Variants in DMXL2 observed in about 807,000 individuals in gnomAD.
DMXL2 encodes the protein dmX-like protein 2.
A neutral mutation model predicts 331.1 loss-of-function variants in DMXL2; 103 were observed. That is an observed-to-expected ratio of 0.31 (90% confidence interval 0.27 to 0.37). The LOEUF is 0.37. Ranked by LOEUF, DMXL2 falls within the 10% of genes least tolerant of loss-of-function variation. The probability of loss-of-function intolerance (pLI) is 1.00; values close to 1 mark genes in which losing one functional copy is unlikely to be tolerated. For synonymous variants in DMXL2, 1,281 were observed against 1,252.1 expected, an observed-to-expected ratio of 1.02 and a Z score of -0.49; for missense variants, 3,171 against 3,642.9, an observed-to-expected ratio of 0.87 and a Z score of 3.33.
At chr15:51,492,396 T>C (rs1803513796) in intron 19 of DMXL2, among the ~76,000 whole-genome samples, 1 of 152,230 alleles carries the variant, frequency 6.6e-6, no homozygotes. Context: ...GTTACAATCA[T>C]GATGTACATT....
chr15:51,484,341 T>C (rs1045882513), intron 23 of DMXL2, among the ~76,000 whole-genome samples: 1 of 152,224 alleles, frequency 6.6e-6, no homozygotes, highest in East Asian at 1.9e-4. Flanking sequence ...ACCCATTGTG[T>C]GCACATATGC....
chr15:51,502,306 T>G (rs867589233), intron 17 of DMXL2, among the ~76,000 whole-genome samples: 3 of 140,626 alleles, frequency 2.1e-5, no homozygotes, highest in Admixed American at 7.1e-5. Context: ...TTTTGTGGGT[T>G]TGTGTGTGTG....
chr15:51,530,702 C>A (rs2047952468), intron 13 of DMXL2, among the ~76,000 whole-genome samples: 2 of 152,154 alleles, frequency 1.3e-5, no homozygotes, highest in Non-Finnish European at 2.9e-5. Flanking sequence ...TTGCAGTGAG[C>A]TGAGATCACA....
chr15:51,580,021 G>T (rs956278755), intron 1 of DMXL2, among the ~76,000 whole-genome samples: 1 of 152,132 alleles, frequency 6.6e-6, no homozygotes. Flanking sequence ...CCATTGCATT[G>T]CCCTACCTCT....
intron 29 of DMXL2, 44 bp downstream of exon 29, chr15:51,471,179 G>GATT: frequency 6.4e-7 from 1 of 1,555,994 alleles, no homozygotes; most frequent in South Asian, 1.2e-5. Flanking sequence ...TAATAAAATA[G>GATT]ATGATAGACT....
chr15:51,575,112 G>C (rs911616235), intron 2 of DMXL2, among the ~76,000 whole-genome samples: 2 of 152,038 alleles, frequency 1.3e-5, no homozygotes, highest in Admixed American at 1.3e-4. Context: ...TCAATACTAG[G>C]TCAAATGTAT....
intron 6 of DMXL2, among the ~76,000 whole-genome samples, chr15:51,549,942 T>C (rs1596220297): frequency 6.6e-6 from 1 of 152,034 alleles, no homozygotes; most frequent in East Asian, 1.9e-4. Flanking sequence ...TTTCATTTAC[T>C]GTGCAGAAAC....
chr15:51,591,108 C>T (rs939946557), intron 1 of DMXL2, among the ~76,000 whole-genome samples: 3 of 152,138 alleles, frequency 2.0e-5, no homozygotes, highest in East Asian at 1.9e-4. Context: ...TGCAGTGCAC[C>T]GAACGTGAAC....
Position 51,545,630 on chromosome 15 carries a change from G to C in DMXL2, c.883C>G (p.Leu295Val), listed in dbSNP as rs1487629851. 1 of 1,613,606 alleles carries C rather than the reference G, an allele frequency of 6.2e-7. No homozygotes were observed. The highest frequency in any genetic ancestry group is 1.1e-5 in the South Asian group (1 of 91,052). Residue 295 changes from leucine (L) to valine (V), a missense_variant, in exon 8 of 44, where the codon CTT becomes GTT. Around this residue, in one of 7 missense-constraint regions of DMXL2, gnomAD observed 1,674 missense variants for 1,780.2 expected, o/e 0.94. Transcript: ENST00000560891. ...ETTTSSIASSLSHAGRHKDRI... is the reference protein window; with the variant it reads ...ETTTSSIASSVSHAGRHKDRI... ...TCTTTGTGTCTTCCAGCATGAGAAA[G>C]GCTGCTGGCAATGCTGGAAGTGGTA...
intron 1 of DMXL2, among the ~76,000 whole-genome samples, chr15:51,583,275 C>T (rs1194651807): frequency 2.3e-5 from 2 of 88,834 alleles, no homozygotes; most frequent in Non-Finnish European, 4.4e-5. Flanking sequence ...ATCCCTCCCC[C>T]CTCCCCCGAC....
chr15:51,568,917 T>A (rs2050471155), intron 2 of DMXL2, among the ~76,000 whole-genome samples: 1 of 151,942 alleles, frequency 6.6e-6, no homozygotes, highest in South Asian at 2.1e-4. Context: ...CAGGTTCATC[T>A]CACTGGGACT....
intron 16 of DMXL2, 90 bp from the exon 17 acceptor site, chr15:51,503,123 CA>C: frequency 4.3e-6 from 4 of 938,318 alleles, no homozygotes; most frequent in African/African-American, 1.7e-5. Flanking sequence ...ATTTAAGAAA[CA>C]TAGCTTCTTA....
intron 2 of DMXL2, among the ~76,000 whole-genome samples, chr15:51,571,393 C>A (rs546869154): frequency 2.6e-5 from 4 of 152,256 alleles, no homozygotes; most frequent in Admixed American, 2.6e-4. Flanking sequence ...AGAAAATTAA[C>A]AAGGATACCA....
At chr15:51,577,648 T>C (rs1464083951) in intron 1 of DMXL2, among the ~76,000 whole-genome samples, 3 of 152,180 alleles carry the variant, frequency 2.0e-5, no homozygotes, top group Admixed American at 6.6e-5. Context: ...ATTTTTAAAG[T>C]ATAGTATTAA....
intron 8 of DMXL2, 96 bp downstream of exon 8, chr15:51,545,487 C>G: frequency 1.9e-6 from 2 of 1,062,298 alleles, no homozygotes; most frequent in Non-Finnish European, 2.8e-6. Context: ...TCACTCATTA[C>G]ATGTACCATG....
rs1019455832 is a variant in DMXL2 at position 51,507,186 on chromosome 15, G to C, written c.2712C>G (p.Asn904Lys). The C allele has an allele frequency of 2.5e-6, 4 of 1,611,088 alleles. No individual in the cohort carries two copies. The highest frequency in any genetic ancestry group is 1.7e-4 in the Middle Eastern group (1 of 6,034). ...LVVIEKDSNNNSILHMWHLHL... is the reference protein window; with the variant it reads ...LVVIEKDSNNKSILHMWHLHL... ...GAAGGTGCCACATATGCAGAATAGA[G>C]TTATTATTGCTGTCCTTCTCAATTA... The change falls in exon 16 of 44, where the codon AAC (asparagine) becomes AAG (lysine). Residue 904 changes from asparagine to lysine, a missense_variant. By Grantham distance (94) the Asn-to-Lys change is moderately conservative. Around this residue, in one of 7 missense-constraint regions of DMXL2, gnomAD observed 1,674 missense variants for 1,780.2 expected, o/e 0.94. Transcript: ENST00000560891.
intron 6 of DMXL2, among the ~76,000 whole-genome samples, chr15:51,548,497 T>C (rs1373312078): frequency 6.6e-6 from 1 of 152,152 alleles, no homozygotes. Context: ...CCTCCAAGTA[T>C]CTTCTTCAGC....
chr15:51,544,263 C>G (rs1050825448), intron 8 of DMXL2, among the ~76,000 whole-genome samples: 1 of 152,072 alleles, frequency 6.6e-6, no homozygotes, highest in African/African-American at 2.4e-5. Flanking sequence ...GTTGGTATTG[C>G]CTTTGCAATA....
chr15:51,450,670 A>G, intron 42 of DMXL2: 1 of 347,160 alleles, frequency 2.9e-6, no homozygotes, highest in Middle Eastern at 9.9e-4. Context: ...GTTGGTGAGT[A>G]TTAACCCAGC....
Sources: allele counts gnomAD v4.1 joint callset (sites outside exome capture counted in the v4.1 genomes callset), GRCh38; gene constraint gnomAD v4.1.1; regional missense constraint gnomAD v4.1.1; transcripts MANE v1.5; gene names NCBI Gene and HGNC (gene_info 2026-07-23, HGNC 2026-07-21).